RFX4: variants seen among roughly 807,000 people sequenced by gnomAD.
RFX4 encodes the protein transcription factor RFX4.
A neutral mutation model predicts 95.0 loss-of-function variants in RFX4; 10 were observed. That is an observed-to-expected ratio of 0.11 (90% confidence interval 0.06 to 0.18). The LOEUF (loss-of-function observed/expected upper bound fraction) is 0.18. RFX4 is among the 10% of genes least tolerant of loss of function. The pLI is 1.00. For synonymous variants in RFX4, 321 were observed against 340.7 expected, an observed-to-expected ratio of 0.94 and a Z score of 0.64; for missense variants, 640 against 922.0, an observed-to-expected ratio of 0.69 and a Z score of 3.96.
intron 16 of RFX4, 82 bp downstream of exon 16, chr12:106,747,681 C>G: frequency 4.0e-6 from 6 of 1,499,702 alleles, no homozygotes; most frequent in African/African-American, 1.4e-5. Context: ...ACCCTGTAAT[C>G]CCAGCACTTT....
intron 15 of RFX4, among the ~76,000 whole-genome samples, chr12:106,740,870 A>T (rs2042792460): frequency 6.6e-6 from 1 of 152,242 alleles, no homozygotes; most frequent in African/African-American, 2.4e-5. Flanking sequence ...ACAAGGAGCC[A>T]GCTACATAGA....
intron 15 of RFX4, among the ~76,000 whole-genome samples, chr12:106,738,879 A>G (rs1417151685): frequency 1.3e-5 from 2 of 152,212 alleles, no homozygotes; most frequent in East Asian, 3.8e-4. Flanking sequence ...CTATTACGGT[A>G]GGCTTCTTAA....
At chr12:106,699,050 A>G (rs992773445) in intron 8 of RFX4, among the ~76,000 whole-genome samples, 3 of 152,114 alleles carry the variant, frequency 2.0e-5, no homozygotes, top group Non-Finnish European at 4.4e-5. Context: ...ATTTAATGCT[A>G]TAAATTTTAT....
At chr12:106,732,105 T>C in intron 13 of RFX4, 25 bp from the exon 14 acceptor site, 1 of 1,611,190 alleles carries the variant, frequency 6.2e-7, no homozygotes, top group South Asian at 1.1e-5. Context: ...CGACTTACTT[T>C]CTGTTTGATC....
chr12:106,740,808 G>A (rs950206963), intron 15 of RFX4, among the ~76,000 whole-genome samples: 11 of 124,264 alleles, frequency 8.9e-5, no homozygotes, highest in African/African-American at 3.7e-4. Flanking sequence ...CTTAGTTGGT[G>A]GTCAGAGATG....
intron 15 of RFX4, among the ~76,000 whole-genome samples, chr12:106,743,020 G>T (rs1244293646): frequency 6.6e-6 from 1 of 152,186 alleles, no homozygotes; most frequent in African/African-American, 2.4e-5. Context: ...GAAGAAGAGT[G>T]TTTTGTTGGG....
chr12:106,613,935 C>A, intron 2 of RFX4, among the ~76,000 whole-genome samples: 1 of 152,166 alleles, frequency 6.6e-6, no homozygotes, highest in East Asian at 1.9e-4. Context: ...TAGATACTGC[C>A]GAAACAGTTT....
intron 7 of RFX4, among the ~76,000 whole-genome samples, chr12:106,694,100 A>T (rs959804898): frequency 6.6e-6 from 1 of 152,234 alleles, no homozygotes; most frequent in African/African-American, 2.4e-5. Flanking sequence ...AATCTGGATG[A>T]AAACTTTGCA....
chr12:106,710,607 C>T (rs780742498), intron 9 of RFX4, among the ~76,000 whole-genome samples: 11 of 152,184 alleles, frequency 7.2e-5, no homozygotes, highest in Non-Finnish European at 1.6e-4. Flanking sequence ...TGCCCCCGCA[C>T]CCATTTTAAT....
intron 4 of RFX4, among the ~76,000 whole-genome samples, chr12:106,680,565 G>A (rs745402353): frequency 2.6e-5 from 4 of 152,178 alleles, no homozygotes; most frequent in African/African-American, 9.7e-5. Flanking sequence ...GATGAATAGA[G>A]ATTCATCCCC....
intron 8 of RFX4, among the ~76,000 whole-genome samples, chr12:106,702,868 A>C (rs1454205260): frequency 6.6e-6 from 1 of 152,154 alleles, no homozygotes; most frequent in Non-Finnish European, 1.5e-5. Flanking sequence ...TTCCACAGCA[A>C]CAGCTGTTCC....
At chr12:106,697,670 C>G (rs1228401835) in intron 8 of RFX4, among the ~76,000 whole-genome samples, 4 of 151,982 alleles carry the variant, frequency 2.6e-5, no homozygotes, top group Non-Finnish European at 5.9e-5. Flanking sequence ...GCCAGCAATC[C>G]TTGGTGTTTC....
chr12:106,676,343 G>A (rs2041391584), intron 4 of RFX4, among the ~76,000 whole-genome samples: 1 of 152,120 alleles, frequency 6.6e-6, no homozygotes, highest in Admixed American at 6.5e-5. Flanking sequence ...AGTCTGACTT[G>A]GACAGAACCT....
At chr12:106,722,070 GGA>G (rs1172611100) in intron 13 of RFX4, among the ~76,000 whole-genome samples, 1 of 152,246 alleles carries the variant, frequency 6.6e-6, no homozygotes, top group Non-Finnish European at 1.5e-5. Flanking sequence ...AGCTGTATAT[GGA>G]AATGCTCTGC....
Position 106,692,306 on chromosome 12 carries a change from T to C in RFX4, c.669+2942T>C, listed in dbSNP as rs1376521082. On this transcript the variant is annotated intron_variant, in intron 7 of 17. Coordinates refer to ENST00000392842, the MANE Select transcript of RFX4 (RefSeq NM_213594.3). Reference sequence around the variant, plus strand: ...AGCCTGTGACCTTGAGCAAGGCACTTAACCTCTCTGAGCCTGGATTTGTTT... The same window carrying C: ...AGCCTGTGACCTTGAGCAAGGCACTCAACCTCTCTGAGCCTGGATTTGTTT... 2.0e-5 allele frequency among the ~76,000 whole-genome samples: 3 copies of C among 152,346 alleles called. No individual in the cohort carries two copies. The East Asian group carries it at 5.8e-4, about 29-fold the overall frequency.
At chr12:106,641,104 C>T (rs1165926997) in intron 3 of RFX4, among the ~76,000 whole-genome samples, 1 of 152,138 alleles carries the variant, frequency 6.6e-6, no homozygotes, top group Admixed American at 6.6e-5. Context: ...GCTTTAATAA[C>T]CTGAACATGT....
intron 4 of RFX4, among the ~76,000 whole-genome samples, chr12:106,676,714 A>G (rs1565975010): frequency 6.6e-6 from 1 of 152,306 alleles, no homozygotes. Context: ...GATCCTGTTC[A>G]TAGCAGAGGC....
At position 106,674,837 on chromosome 12, in the gene RFX4, A is replaced by C. The variant is rs993221547; in HGVS notation, c.316-7156A>C. Among the ~76,000 whole-genome samples the C allele has an allele frequency of 3.3e-5, 5 of 152,152 alleles. No homozygotes were observed. The East Asian group carries it at 9.6e-4, about 29-fold the overall frequency. ...CCGGCCTGTAGCATGAGCTCAGTGG[A>C]TATCTGCTGGTGAATGAATCCCTGC... On this transcript the variant is annotated intron_variant, in intron 4 of 17. Coordinates refer to ENST00000392842, the MANE Select transcript of RFX4 (RefSeq NM_213594.3).
intron 4 of RFX4, among the ~76,000 whole-genome samples, chr12:106,658,062 C>T (rs1230211): frequency 0.78 from 118,746 of 152,042 alleles, 46,898 homozygotes; most frequent in Middle Eastern, 0.9. Context: ...TGAGGACTTT[C>T]TGTTCATTAT....
Sources: allele counts gnomAD v4.1 joint callset (sites outside exome capture counted in the v4.1 genomes callset), GRCh38; gene constraint gnomAD v4.1.1; transcripts MANE v1.5; gene names NCBI Gene and HGNC (gene_info 2026-07-23, HGNC 2026-07-21).